Variants in ROCK1 observed in about 807,000 individuals in gnomAD.
ROCK1 encodes the protein rho-associated protein kinase 1.
In ROCK1, 36 loss-of-function variants were observed where a neutral mutation model predicts 196.8. That is an observed-to-expected ratio of 0.18 (90% CI 0.14 to 0.24). ROCK1 has a LOEUF of 0.24. Ranked by LOEUF, ROCK1 falls within the 10% of genes least tolerant of loss-of-function variation. The pLI is 1.00. For missense variants in ROCK1, 920 were observed against 1,562.0 expected (o/e 0.59, Z 6.93); for synonymous variants, 443 against 515.9 (o/e 0.86, Z 1.91).
At chr18:20,974,572 C>G (rs1224536790) in intron 22 of ROCK1, among the ~76,000 whole-genome samples, 1 of 152,192 alleles carries the variant, frequency 6.6e-6, no homozygotes, top group African/African-American at 2.4e-5. Flanking sequence ...TTACCTGCAT[C>G]TATACATTCA....
At chr18:21,104,808 C>T (rs2036689949) in intron 1 of ROCK1, among the ~76,000 whole-genome samples, 2 of 152,186 alleles carry the variant, frequency 1.3e-5, no homozygotes, top group South Asian at 4.1e-4. Context: ...ACCCTTGGCA[C>T]AAAGTATATA....
chr18:21,000,501 G>A (rs530241312), intron 16 of ROCK1, among the ~76,000 whole-genome samples: 5 of 152,114 alleles, frequency 3.3e-5, no homozygotes, highest in Non-Finnish European at 5.9e-5. Flanking sequence ...GAGCTTAAGC[G>A]ATCTGCCCAG....
chr18:20,978,494 A>G (rs530524932), intron 22 of ROCK1, among the ~76,000 whole-genome samples: 35 of 152,316 alleles, frequency 2.3e-4, no homozygotes, highest in African/African-American at 8.4e-4. Flanking sequence ...ACTACTGAGC[A>G]CCTGAAATAC....
chr18:21,034,848 A>G (rs1568389969), intron 9 of ROCK1, among the ~76,000 whole-genome samples: 1 of 152,246 alleles, frequency 6.6e-6, no homozygotes, highest in Non-Finnish European at 1.5e-5. Flanking sequence ...AGTGCAGAGA[A>G]TAGAAAATAT....
At chr18:21,060,525 A>G (rs751095008) in intron 2 of ROCK1, among the ~76,000 whole-genome samples, 21 of 152,306 alleles carry the variant, frequency 1.4e-4, no homozygotes, top group Non-Finnish European at 2.5e-4. Flanking sequence ...GTGTATTTAC[A>G]TATCTGCCCA....
At chr18:21,099,010 G>A (rs2036635094) in intron 1 of ROCK1, among the ~76,000 whole-genome samples, 1 of 152,142 alleles carries the variant, frequency 6.6e-6, no homozygotes, top group Non-Finnish European at 1.5e-5. Flanking sequence ...CAACTCTTAG[G>A]AGAGGGAGAA....
intron 22 of ROCK1, among the ~76,000 whole-genome samples, chr18:20,972,932 C>T (rs779278359): frequency 8.5e-5 from 13 of 152,098 alleles, no homozygotes; most frequent in South Asian, 4.2e-4. Flanking sequence ...CAGGCTGGAG[C>T]GCAATGGTGT....
chr18:21,044,015 C>A, intron 6 of ROCK1, 87 bp downstream of exon 6: 1 of 788,834 alleles, frequency 1.3e-6, no homozygotes, highest in Admixed American at 2.2e-5. Context: ...AATTCTTACA[C>A]CATTTTCTAA....
intron 13 of ROCK1, among the ~76,000 whole-genome samples, chr18:21,009,952 A>G (rs1282012987): frequency 6.6e-6 from 1 of 152,184 alleles, no homozygotes; most frequent in East Asian, 1.9e-4. Context: ...ATTTTTGAGA[A>G]GTTAGTCCCT....
intron 9 of ROCK1, 71 bp downstream of exon 9, chr18:21,039,401 T>C (rs2036085641): frequency 2.0e-6 from 2 of 1,011,772 alleles, no homozygotes; most frequent in Non-Finnish European, 1.5e-6. Flanking sequence ...TATTTAGCAA[T>C]GTAGTTTCAA....
At chr18:21,081,304 T>C (rs2036481011) in intron 1 of ROCK1, among the ~76,000 whole-genome samples, 1 of 151,998 alleles carries the variant, frequency 6.6e-6, no homozygotes, top group South Asian at 2.1e-4. Flanking sequence ...AGAAAATACT[T>C]TGAGACAAAT....
intron 26 of ROCK1, 50 bp downstream of exon 26, chr18:20,967,702 T>G (rs2035387173): frequency 2.3e-6 from 3 of 1,323,566 alleles, no homozygotes. Flanking sequence ...AGAAATAATT[T>G]AAGAAAATAA....
chr18:21,020,338 T>A, intron 11 of ROCK1, 99 bp from the exon 12 acceptor site: 1 of 546,580 alleles, frequency 1.8e-6, no homozygotes, highest in Non-Finnish European at 3.0e-6. Flanking sequence ...TTTTAGAAAA[T>A]AATTTAATTT....
At chr18:20,955,345 G>C in intron 29 of ROCK1, 100 bp from the exon 30 acceptor site, 1 of 884,812 alleles carries the variant, frequency 1.1e-6, no homozygotes, top group Non-Finnish European at 1.7e-6. Flanking sequence ...CACACAAAAA[G>C]ATATTCAACA....
intron 9 of ROCK1, among the ~76,000 whole-genome samples, chr18:21,034,287 C>T (rs73433114): frequency 1.1e-4 from 16 of 152,086 alleles, no homozygotes; most frequent in South Asian, 2.1e-4. Flanking sequence ...TTGGCAAAGA[C>T]GTAAAAACCC....
At chr18:21,049,047 G>A (rs374346344) in intron 4 of ROCK1, 45 bp downstream of exon 4, 2 of 1,458,816 alleles carry the variant, frequency 1.4e-6, no homozygotes, top group East Asian at 2.5e-5. Context: ...GACATGTTTA[G>A]TTACAAACTA....
Position 20,986,994 on chromosome 18 carries a change from T to C in ROCK1, c.2260A>G (p.Lys754Glu), listed in dbSNP as rs774004449. The change falls in exon 19 of 33, where the codon AAA (lysine) becomes GAA (glutamate). Residue 754 changes from lysine (K) to glutamate (E), a missense_variant. Lys to Glu is a moderately conservative substitution (Grantham distance 56). This residue lies in a region of ROCK1 where 520 missense variants were observed against 657.1 expected (regional missense o/e 0.79). Transcript: ENST00000399799. The stretch of plus-strand genomic sequence containing the variant: ...TTATTTCCAGTCAAATGTTCTAGTT[T>C]CTGCTGAGATTGCTTCAGATCAACG... Reference protein sequence around the residue: ...LDVDLKQSQQKLEHLTGNKER... With the variant: ...LDVDLKQSQQELEHLTGNKER... 6.2e-7 allele frequency: 1 copy of C among 1,608,166 alleles called. No homozygotes were observed. The highest frequency in any genetic ancestry group is 1.3e-5 in the African/African-American group (1 of 74,756).
chr18:20,982,925 G>T (rs1318231129), intron 20 of ROCK1, 93 bp from the exon 21 acceptor site: 3 of 599,906 alleles, frequency 5.0e-6, no homozygotes, highest in Non-Finnish European at 6.0e-6. Context: ...ATATAAAAAA[G>T]TTTACTAAAA....
At chr18:21,022,453 T>G (rs1277196578) in intron 11 of ROCK1, among the ~76,000 whole-genome samples, 2 of 152,150 alleles carry the variant, frequency 1.3e-5, no homozygotes, top group Non-Finnish European at 2.9e-5. Context: ...ACCTTGAAAA[T>G]TCATCCTCTG....
Sources: gnomAD v4.1 joint callset for allele counts (sites outside exome capture counted in the v4.1 genomes callset) on GRCh38, gnomAD v4.1.1 for gene constraint, gnomAD v4.1.1 regional missense constraint, MANE v1.5 for transcripts, NCBI Gene and HGNC (gene_info 2026-07-23, HGNC 2026-07-21) for gene names.